The following FAM184B variants were observed in gnomAD, a reference collection of about 807,000 sequenced individuals.
FAM184B encodes family with sequence similarity 184 member B, also known as protein FAM184B.
In FAM184B, 111 loss-of-function variants were observed where a neutral mutation model predicts 135.9. The observed-to-expected ratio is 0.82, with a 90% CI of 0.70 to 0.96. The LOEUF is 0.96. Ranked by LOEUF, FAM184B falls within the 40% of genes least tolerant of loss-of-function variation. FAM184B has a pLI of 0.00. For missense variants in FAM184B, 1,375 were observed against 1,323.9 expected, an observed-to-expected ratio of 1.04 and a Z score of -0.60; for synonymous variants, 552 against 524.8, an observed-to-expected ratio of 1.05 and a Z score of -0.71.
chr4:17,779,880 C>T (rs902057869), intron 1 of FAM184B, among the ~76,000 whole-genome samples: 2 of 152,156 alleles, frequency 1.3e-5, no homozygotes, highest in Non-Finnish European at 2.9e-5. Context: ...AGAGAAGATG[C>T]CTTGCACTGT....
chr4:17,728,798 T>C (rs942881459), intron 1 of FAM184B, among the ~76,000 whole-genome samples: 2 of 152,212 alleles, frequency 1.3e-5, no homozygotes, highest in Non-Finnish European at 2.9e-5. Flanking sequence ...GGAACAGCTC[T>C]GGTCTACAGC....
rs1019489647 is a variant in FAM184B at position 17,779,208 on chromosome 4, C to T, written c.141+1951G>A. Reference sequence around the variant, plus strand: ...AGAAGAGCCCAAATATATTAGTAATCGCAATAAATCCCTGTGGATTAAATT... The same window carrying T: ...AGAAGAGCCCAAATATATTAGTAATTGCAATAAATCCCTGTGGATTAAATT... On this transcript the variant is annotated intron_variant, in intron 1 of 17. Transcript: ENST00000265018. Among the ~76,000 whole-genome samples, 4 of 152,096 alleles carry T rather than the reference C, an allele frequency of 2.6e-5. No individual in the cohort carries two copies. In the East Asian group the frequency reaches 7.7e-4, roughly 29 times the overall value.
intron 8 of FAM184B, among the ~76,000 whole-genome samples, chr4:17,664,250 A>T (rs1248174055): frequency 6.6e-6 from 1 of 152,150 alleles, no homozygotes; most frequent in Non-Finnish European, 1.5e-5. Flanking sequence ...ATTAAAGAAC[A>T]CTTGGAAACA....
At chr4:17,652,581 C>T (rs1448236809) in intron 11 of FAM184B, among the ~76,000 whole-genome samples, 1 of 152,186 alleles carries the variant, frequency 6.6e-6, no homozygotes, top group African/African-American at 2.4e-5. Context: ...GACATGTGTG[C>T]CTGAGATTCC....
intron 1 of FAM184B, among the ~76,000 whole-genome samples, chr4:17,723,219 C>T (rs182485891): frequency 2.0e-4 from 31 of 152,372 alleles, no homozygotes; most frequent in African/African-American, 7.2e-4. Flanking sequence ...CTCGTTCTAA[C>T]TGAATTTTTA....
chr4:17,740,522 A>G (rs745889057), intron 1 of FAM184B, among the ~76,000 whole-genome samples: 39 of 151,556 alleles, frequency 2.6e-4, no homozygotes, highest in Non-Finnish European at 5.4e-4. Flanking sequence ...ATGTTTCACT[A>G]TAGCTTTTAA....
intron 1 of FAM184B, among the ~76,000 whole-genome samples, chr4:17,755,061 G>C (rs1017412122): frequency 6.6e-6 from 1 of 151,982 alleles, no homozygotes. Flanking sequence ...GGGTCTTGCT[G>C]TGTTTCCCAG....
Position 17,705,119 on chromosome 4 carries a change from C to T in FAM184B, c.1258G>A (p.Glu420Lys). The T allele has an allele frequency of 6.4e-7, 1 of 1,551,590 alleles. No individual in the cohort carries two copies. The highest frequency in any genetic ancestry group is 8.7e-7 in the Non-Finnish European group (1 of 1,146,860). ...AGCTGGTCTTTGAGATGTTTCTTCT[C>T]CTCTTCTGTCTGATGTTTGATTTTA... Reference protein sequence around the residue: ...LRKIKHQTEEEKKHLKDQLVK... With the variant: ...LRKIKHQTEEKKKHLKDQLVK... The change falls in exon 5 of 18, where the codon GAG becomes AAG. Residue 420 changes from glutamate to lysine, a missense_variant. Glu to Lys is a moderately conservative substitution (Grantham distance 56, BLOSUM62 1). Coordinates refer to ENST00000265018, the MANE Select transcript of FAM184B (RefSeq NM_015688.2).
chr4:17,636,436 A>C, intron 15 of FAM184B, 92 bp downstream of exon 15: 57 of 940,772 alleles, frequency 6.1e-5, no homozygotes, highest in East Asian at 8.0e-5. Context: ...TAGGGCACCT[A>C]GAGAAATGCT....
intron 13 of FAM184B, among the ~76,000 whole-genome samples, chr4:17,641,643 CTTTTTTTTTTTTTTTT>C (rs34886078): frequency 1.2e-4 from 3 of 24,376 alleles, no homozygotes; most frequent in South Asian, 2.2e-3. Flanking sequence ...CACGCCCGGC[CTTTTTTTTTTTTTTTT>C]TTTTTTTTTT....
At chr4:17,637,768 T>A (rs953984922) in intron 14 of FAM184B, among the ~76,000 whole-genome samples, 1 of 152,230 alleles carries the variant, frequency 6.6e-6, no homozygotes, top group Non-Finnish European at 1.5e-5. Context: ...TTCACCTGTT[T>A]GGACCTGGCT....
chr4:17,774,992 CTTT>C (rs71167338), intron 1 of FAM184B, among the ~76,000 whole-genome samples: 2 of 81,744 alleles, frequency 2.4e-5, no homozygotes, highest in Non-Finnish European at 4.4e-5. Flanking sequence ...TTTTCCTTTT[CTTT>C]TTTTTTTTTT....
chr4:17,694,390 G>T lies in FAM184B; in HGVS notation c.1378-978C>A, dbSNP rs559260685. On this transcript the variant is annotated intron_variant, in intron 5 of 17. Coordinates refer to ENST00000265018, the MANE Select transcript of FAM184B (RefSeq NM_015688.2). Reference sequence around the variant, plus strand: ...TACAAAAAACTAGCCAGGTGTGGTGGTGGGTGCCTGTAGTCCCAGCTACTC... The same window carrying T: ...TACAAAAAACTAGCCAGGTGTGGTGTTGGGTGCCTGTAGTCCCAGCTACTC... Among the ~76,000 whole-genome samples, 5 of 152,258 alleles carry T rather than the reference G, an allele frequency of 3.3e-5. No individual in the cohort carries two copies. In the East Asian group the frequency reaches 7.7e-4, roughly 24 times the overall value.
At chr4:17,768,744 G>T (rs1718752816) in intron 1 of FAM184B, among the ~76,000 whole-genome samples, 2 of 151,932 alleles carry the variant, frequency 1.3e-5, no homozygotes. Context: ...AGGTCCACAA[G>T]ATAAGGGATT....
At chr4:17,779,761 C>T (rs1219259138) in intron 1 of FAM184B, among the ~76,000 whole-genome samples, 3 of 152,162 alleles carry the variant, frequency 2.0e-5, no homozygotes, top group Non-Finnish European at 4.4e-5. Context: ...CTATAGCACT[C>T]GTAATTGGAA....
chr4:17,744,428 A>C (rs1035907580), intron 1 of FAM184B, among the ~76,000 whole-genome samples: 2 of 150,450 alleles, frequency 1.3e-5, no homozygotes, highest in African/African-American at 2.4e-5. Flanking sequence ...ACTAGGATTC[A>C]ATGTGCCATG....
chr4:17,708,176 C>T (rs2108965485), intron 2 of FAM184B, among the ~76,000 whole-genome samples: 1 of 152,260 alleles, frequency 6.6e-6, no homozygotes, highest in African/African-American at 2.4e-5. Flanking sequence ...GACCTGAGTT[C>T]AAACACTTAT....
chr4:17,687,904 G>C (rs1427067535), intron 7 of FAM184B, among the ~76,000 whole-genome samples: 1 of 152,110 alleles, frequency 6.6e-6, no homozygotes, highest in Non-Finnish European at 1.5e-5. Context: ...ATGGTCATTC[G>C]TTATGGTGAT....
At chr4:17,730,886 C>G (rs528787567) in intron 1 of FAM184B, among the ~76,000 whole-genome samples, 142 of 152,184 alleles carry the variant, frequency 9.3e-4, no homozygotes, top group African/African-American at 3.3e-3. Context: ...GCAGAGAAGT[C>G]CTTAAAGGAG....
Sources: allele counts gnomAD v4.1 joint callset (sites outside exome capture counted in the v4.1 genomes callset), GRCh38; gene constraint gnomAD v4.1.1; transcripts MANE v1.5; gene names NCBI Gene and HGNC (gene_info 2026-07-23, HGNC 2026-07-21).